The following CEP85L variants were observed in gnomAD, a reference collection of about 807,000 sequenced individuals.
CEP85L encodes centrosomal protein of 85 kDa-like.
Under a neutral mutation model 100.3 loss-of-function variants are expected in CEP85L, and 60 were observed. That is an observed-to-expected ratio of 0.60 (90% confidence interval 0.49 to 0.74). The LOEUF is 0.74. CEP85L is among the 30% of genes least tolerant of loss of function. The probability of loss-of-function intolerance (pLI) is 0.00; values close to 1 mark genes in which losing one functional copy is unlikely to be tolerated. For synonymous variants in CEP85L, 319 were observed against 322.7 expected (o/e 0.99, Z 0.12); for missense variants, 973 against 936.2 (o/e 1.04, Z -0.51).
At chr6:118,635,475 T>C (rs575272057) in intron 1 of CEP85L, among the ~76,000 whole-genome samples, 2 of 152,250 alleles carry the variant, frequency 1.3e-5, no homozygotes, top group African/African-American at 2.4e-5. Flanking sequence ...AAGAAATACA[T>C]TACAGGAACA....
chr6:118,465,513 A>G lies in CEP85L; in HGVS notation c.2310T>C (p.Thr770=). 6.2e-7 allele frequency: 1 copy of G among 1,613,616 alleles called. No homozygotes were observed. The highest frequency in any genetic ancestry group is 1.7e-4 in the Middle Eastern group (1 of 6,060). ...ACTGGCACACATCTGACAGCTTTTT[A>G]GTGAGTGTTTCTGTGCTGTGGTCAT... The part of the protein sequence containing the change: ...TENDHSTETL[T]KKLSDVCQLR... The change falls in exon 13 of 13, where the codon ACT becomes ACC. Residue 770 remains threonine, a synonymous_variant. Coordinates refer to ENST00000368491, the MANE Select transcript of CEP85L (RefSeq NM_001042475.3).
At chr6:118,685,614 GAGA>G (rs1300304910) in intron 1 of CEP85L, among the ~76,000 whole-genome samples, 1 of 152,156 alleles carries the variant, frequency 6.6e-6, no homozygotes, top group Non-Finnish European at 1.5e-5. Flanking sequence ...GGATGTTCTT[GAGA>G]AGAACTTTTT....
intron 2 of CEP85L, among the ~76,000 whole-genome samples, chr6:118,597,072 G>C (rs569627688): frequency 1.3e-5 from 2 of 151,882 alleles, no homozygotes; most frequent in Non-Finnish European, 2.9e-5. Context: ...CCCTTTGCTC[G>C]AAACTTCTCT....
intron 2 of CEP85L, 36 bp from the exon 3 acceptor site, chr6:118,566,352 T>A: frequency 6.6e-7 from 1 of 1,524,844 alleles, no homozygotes; most frequent in Non-Finnish European, 8.9e-7. Flanking sequence ...TAGTTACAAT[T>A]AACAGACAAA....
chr6:118,701,593 G>C (rs1408801618), intron 1 of CEP85L, among the ~76,000 whole-genome samples: 1 of 152,146 alleles, frequency 6.6e-6, no homozygotes, highest in African/African-American at 2.4e-5. Flanking sequence ...TGGACATAAA[G>C]ATGGCAATGA....
intron 2 of CEP85L, among the ~76,000 whole-genome samples, chr6:118,620,204 T>G (rs1351747344): frequency 6.6e-6 from 1 of 152,152 alleles, no homozygotes; most frequent in African/African-American, 2.4e-5. Flanking sequence ...AGGATAAATT[T>G]ATCACCCAAT....
chr6:118,480,738 G>T (rs2114522073), intron 8 of CEP85L, among the ~76,000 whole-genome samples: 1 of 152,212 alleles, frequency 6.6e-6, no homozygotes, highest in Non-Finnish European at 1.5e-5. Context: ...TGGCAAATTT[G>T]AGACCAGAGT....
intron 2 of CEP85L, among the ~76,000 whole-genome samples, chr6:118,598,008 T>C (rs1255076980): frequency 2.0e-5 from 3 of 151,992 alleles, no homozygotes; most frequent in Non-Finnish European, 2.9e-5. Context: ...AATAAAAGAG[T>C]TTGTCTGTGA....
At chr6:118,526,693 T>C (rs1457402799) in intron 3 of CEP85L, among the ~76,000 whole-genome samples, 7 of 152,182 alleles carry the variant, frequency 4.6e-5, no homozygotes, top group East Asian at 1.9e-4. Flanking sequence ...AAGACAGCCA[T>C]GAAAGCGACC....
intron 1 of CEP85L, among the ~76,000 whole-genome samples, chr6:118,644,009 A>G (rs1011003392): frequency 1.4e-4 from 21 of 152,254 alleles, no homozygotes; most frequent in Admixed American, 5.2e-4. Flanking sequence ...CCCTAGCTTA[A>G]TAAGTGGTAA....
At chr6:118,621,223 A>C (rs1773421756) in intron 2 of CEP85L, among the ~76,000 whole-genome samples, 1 of 152,118 alleles carries the variant, frequency 6.6e-6, no homozygotes, top group Non-Finnish European at 1.5e-5. Context: ...ACAAAAACCA[A>C]ATGGTCAGTG....
At chr6:118,653,430 CAT>C, upstream of CEP85L, among the ~76,000 whole-genome samples, 1 of 152,190 alleles carries the variant, frequency 6.6e-6, no homozygotes, top group Non-Finnish European at 1.5e-5. Context: ...TTCTTTTAAT[CAT>C]ATGAATTCTG....
At chr6:118,692,507 T>C (rs1777077485) in intron 1 of CEP85L, among the ~76,000 whole-genome samples, 1 of 152,132 alleles carries the variant, frequency 6.6e-6, no homozygotes, top group Non-Finnish European at 1.5e-5. Context: ...ACCTCCCCTA[T>C]CAAGAAGAGA....
At chr6:118,578,632 G>A (rs761961121) in intron 2 of CEP85L, among the ~76,000 whole-genome samples, 1 of 152,164 alleles carries the variant, frequency 6.6e-6, no homozygotes, top group South Asian at 2.1e-4. Context: ...AGGAGGCTGA[G>A]GCAGGAGAAT....
intron 9 of CEP85L, 69 bp from the exon 10 acceptor site, chr6:118,479,990 A>G: frequency 1.3e-6 from 1 of 776,582 alleles, no homozygotes; most frequent in South Asian, 1.8e-5. Context: ...CAACATTTCA[A>G]GAAAACAGCA....
intron 2 of CEP85L, among the ~76,000 whole-genome samples, chr6:118,626,362 A>G (rs1015056011): frequency 2.0e-5 from 3 of 152,092 alleles, no homozygotes; most frequent in African/African-American, 7.2e-5. Flanking sequence ...GAAAAGATTA[A>G]CTGCCCATTT....
At chr6:118,475,348 T>TATC (rs375464100) in intron 10 of CEP85L, among the ~76,000 whole-genome samples, 2,838 of 93,930 alleles carry the variant, frequency 0.03, 532 homozygotes, top group Middle Eastern at 0.071. Flanking sequence ...GTAGGTGACA[T>TATC]TTTTTTTTTT....
upstream of CEP85L, chr6:118,652,336 T>C (rs1775615576): frequency 3.2e-6 from 3 of 946,740 alleles, no homozygotes; most frequent in African/African-American, 5.3e-5. Flanking sequence ...ACCTGAACCC[T>C]TAGTGCAGGA....
chr6:118,505,221 T>TCA (rs1775567756), intron 5 of CEP85L, among the ~76,000 whole-genome samples: 1 of 151,586 alleles, frequency 6.6e-6, no homozygotes, highest in Admixed American at 6.6e-5. Context: ...GGCAGGCAGA[T>TCA]CATGAAGTCA....
Sources: allele counts gnomAD v4.1 joint callset (sites outside exome capture counted in the v4.1 genomes callset), GRCh38; gene constraint gnomAD v4.1.1; transcripts MANE v1.5; gene names NCBI Gene and HGNC (gene_info 2026-07-23, HGNC 2026-07-21).